ABCC5: variants seen among roughly 807,000 people sequenced by gnomAD.
ABCC5 encodes the protein ATP-binding cassette sub-family C member 5.
A neutral mutation model predicts 160.9 loss-of-function variants in ABCC5; 61 were observed. The observed-to-expected ratio is 0.38, with a 90% CI of 0.31 to 0.47. The LOEUF is 0.47. Ranked by LOEUF, ABCC5 falls within the 20% of genes least tolerant of loss-of-function variation. The pLI is 0.99. For missense variants in ABCC5, 1,308 were observed against 1,813.3 expected (o/e 0.72, Z 5.06); for synonymous variants, 666 against 700.6 (o/e 0.95, Z 0.78).
At position 183,982,121 on chromosome 3, in the gene ABCC5, A is replaced by T. The variant is rs1718800208; in HGVS notation, c.1000-247T>A. On this transcript the variant is annotated intron_variant, in intron 7 of 29. Transcript: ENST00000334444. The surrounding 1 kb of genome is among the most constrained non-coding windows in gnomAD (Gnocchi z 5.2). Reference sequence around the variant, plus strand: ...TATTTATTCTCAATAGTGACCACAGAGACTGAGTGCTTCCAAAGGGGAGGC... The same window carrying T: ...TATTTATTCTCAATAGTGACCACAGTGACTGAGTGCTTCCAAAGGGGAGGC... 6.6e-6 allele frequency among the ~76,000 whole-genome samples: 1 copy of T among 152,224 alleles called. No homozygotes were observed. Among genetic ancestry groups the T allele is most frequent in the African/African-American group, 2.4e-5 (1 of 41,472 alleles).
At chr3:183,959,206 GA>G (rs1017950667) in intron 17 of ABCC5, among the ~76,000 whole-genome samples, 3 of 152,124 alleles carry the variant, frequency 2.0e-5, no homozygotes, top group African/African-American at 7.2e-5. Context: ...AAGGGTTTAA[GA>G]AACAGGATCA....
At chr3:183,922,455 C>T (rs1049801918) in intron 29 of ABCC5, among the ~76,000 whole-genome samples, 1 of 152,116 alleles carries the variant, frequency 6.6e-6, no homozygotes, top group African/African-American at 2.4e-5. Context: ...AAGGGCACAC[C>T]AGACAAATGC....
chr3:184,011,713 G>A (rs1030476999), intron 2 of ABCC5, among the ~76,000 whole-genome samples: 11 of 152,108 alleles, frequency 7.2e-5, no homozygotes, highest in Non-Finnish European at 1.6e-4. Context: ...ATGCTACTCA[G>A]CAATACAAAG....
Position 184,012,093 on chromosome 3 carries a change from T to A in ABCC5, c.129+2171A>T, listed in dbSNP as rs558037158. ...GTGAAATCCTAAAGTCAATGGATTG[T>A]ATCAATGTCAATCATTATCCTGTTG... On this transcript the variant is annotated intron_variant, in intron 2 of 29. Transcript: ENST00000334444. Among the ~76,000 whole-genome samples, 51 of 152,058 alleles carry A rather than the reference T, an allele frequency of 3.4e-4. 1 individual carries two copies. In the South Asian group the frequency reaches 9.8e-3, roughly 29 times the overall value.
intron 23 of ABCC5, among the ~76,000 whole-genome samples, chr3:183,946,263 T>C (rs748354821): frequency 6.6e-6 from 1 of 152,212 alleles, no homozygotes; most frequent in African/African-American, 2.4e-5. Context: ...AGCCTGTTTG[T>C]GGGAGTCACA....
intron 2 of ABCC5, among the ~76,000 whole-genome samples, chr3:184,008,017 A>G (rs908787959): frequency 4.6e-5 from 7 of 152,176 alleles, no homozygotes; most frequent in Non-Finnish European, 7.3e-5. Flanking sequence ...TCAAGTTTCC[A>G]GCCAAATGAT....
At chr3:183,970,866 T>C (rs1020888923) in intron 11 of ABCC5, among the ~76,000 whole-genome samples, 15 of 152,248 alleles carry the variant, frequency 9.9e-5, no homozygotes, top group Non-Finnish European at 2.2e-4. Context: ...TGGGTTTTTG[T>C]GGCTCTGTGC....
intron 26 of ABCC5, among the ~76,000 whole-genome samples, chr3:183,929,048 C>G (rs1409283054): frequency 6.6e-6 from 1 of 152,164 alleles, no homozygotes; most frequent in Admixed American, 6.5e-5. Context: ...ACTATTTTTA[C>G]TATGTAAATA....
chr3:183,932,545 A>AG (rs1462642784), intron 26 of ABCC5, among the ~76,000 whole-genome samples: 1 of 152,206 alleles, frequency 6.6e-6, no homozygotes. Context: ...GAGGCAATGC[A>AG]GTGAGTGTAA....
intron 2 of ABCC5, among the ~76,000 whole-genome samples, chr3:183,994,853 A>ATGTTTTTTTTTTTTTTTTTTTTTTTTT (rs1720125822): frequency 8.1e-6 from 1 of 122,846 alleles, no homozygotes; most frequent in African/African-American, 3.1e-5. Context: ...CCCATTTTCT[A>ATGTTTTTTTTTTTTTTTTTTTTTTTTT]TGTTTTTTTT....
chr3:183,927,767 G>A, intron 27 of ABCC5: 3 of 985,470 alleles, frequency 3.0e-6, no homozygotes, highest in Non-Finnish European at 3.6e-6. Context: ...ATAGGAAATA[G>A]TATAGTAAGG....
intron 2 of ABCC5, among the ~76,000 whole-genome samples, chr3:183,995,588 G>C (rs921920204): frequency 7.9e-4 from 120 of 152,068 alleles, no homozygotes; most frequent in African/African-American, 2.8e-3. Context: ...CGAAAAGTTG[G>C]CCATGCCTGT....
At chr3:183,924,602 A>C (rs1035520444) in intron 29 of ABCC5, among the ~76,000 whole-genome samples, 23 of 152,228 alleles carry the variant, frequency 1.5e-4, no homozygotes, top group Admixed American at 3.9e-4. Flanking sequence ...AGGGGCATGC[A>C]AAAGAGGTAT....
intron 25 of ABCC5, among the ~76,000 whole-genome samples, chr3:183,942,187 G>A (rs774836156): frequency 1.1e-4 from 16 of 151,940 alleles, no homozygotes; most frequent in Admixed American, 2.6e-4. Context: ...TTACAAGCAT[G>A]TGCCACCACA....
intron 24 of ABCC5, among the ~76,000 whole-genome samples, chr3:183,944,496 T>C (rs552427771): frequency 1.3e-5 from 2 of 152,210 alleles, no homozygotes; most frequent in Admixed American, 1.3e-4. Flanking sequence ...ACTCAGAATA[T>C]ACTCTTCACA....
In ABCC5 at chr3:183,935,413, C is replaced by T. The variant is rs556316703; in HGVS notation, c.3854+2488G>A. Among the ~76,000 whole-genome samples, 7 of 152,020 alleles carry T rather than the reference C, an allele frequency of 4.6e-5. No homozygotes were observed. In the East Asian group the frequency reaches 1.2e-3, roughly 25 times the overall value. ...GCCAGGCTGGTCTGGTACTCCTGAC[C>T]TCGTGATCCGCCCGCCTCAGCCTCC... is the stretch of plus-strand genomic sequence containing the variant. On this transcript the variant is annotated intron_variant, in intron 26 of 29. Transcript: ENST00000334444.
intron 2 of ABCC5, among the ~76,000 whole-genome samples, chr3:184,014,014 A>G (rs1721978936): frequency 6.6e-6 from 1 of 152,092 alleles, no homozygotes; most frequent in African/African-American, 2.4e-5. Context: ...CTGGGATTAT[A>G]GGCGCCCGCC....
At position 183,963,676 on chromosome 3, in the gene ABCC5, C is replaced by A. The variant is rs1328176159; in HGVS notation, c.2032-88G>T. The A allele has an allele frequency of 1.6e-6, 2 of 1,234,396 alleles. No individual in the cohort carries two copies. The highest frequency in any genetic ancestry group is 2.4e-5 in the East Asian group (1 of 41,502). 76.5% of individuals were successfully genotyped at this position (1,234,396 alleles called of 1,614,324 possible). A position where few individuals can be genotyped will look rare whatever the true frequency, so the allele number is the denominator to read the frequency against. On this transcript the variant is annotated intron_variant, in intron 14 of 29. Transcript: ENST00000334444. This position sits in a 1 kb window ranked among gnomAD's most constrained non-coding sequence, Gnocchi z 4.6. Reference sequence around the variant, plus strand: ...ACCCAGTCACTTCTCTTCTTGCCCACCCAGACCAGCTCCTTCTGTCAATTC... The same window carrying A: ...ACCCAGTCACTTCTCTTCTTGCCCAACCAGACCAGCTCCTTCTGTCAATTC...
At chr3:183,946,131 C>T (rs1157991692) in intron 23 of ABCC5, among the ~76,000 whole-genome samples, 192 bp from the exon 24 acceptor site, 9 of 152,180 alleles carry the variant, frequency 5.9e-5, no homozygotes, top group Admixed American at 5.9e-4. Context: ...TCAGTGAATG[C>T]GGGCAGTATC....
Sources: allele counts gnomAD v4.1 joint callset (sites outside exome capture counted in the v4.1 genomes callset), GRCh38; gene constraint gnomAD v4.1.1; non-coding constraint Gnocchi (gnomAD v3.1); transcripts MANE v1.5; gene names NCBI Gene and HGNC (gene_info 2026-07-23, HGNC 2026-07-21).